The following CNTNAP2 variants were observed in gnomAD, a reference collection of about 807,000 sequenced individuals.
The protein encoded by CNTNAP2 is contactin associated protein 2.
CNTNAP2 carries 98 observed loss-of-function variants against 155.2 expected under a neutral mutation model. That is an observed-to-expected ratio of 0.63 (90% CI 0.54 to 0.75). The LOEUF is 0.75. Among genes scored for constraint, CNTNAP2 ranks in the 30% least tolerant of loss-of-function variants. The pLI, the probability that CNTNAP2 is intolerant of heterozygous loss-of-function variation, is 0.00. For synonymous variants in CNTNAP2, 651 were observed against 631.2 expected, an observed-to-expected ratio of 1.03 and a Z score of -0.47; for missense variants, 1,727 against 1,688.1, an observed-to-expected ratio of 1.02 and a Z score of -0.40.
chr7:147,021,720 T>C (rs532370777), intron 3 of CNTNAP2, among the ~76,000 whole-genome samples: 1 of 152,336 alleles, frequency 6.6e-6, no homozygotes, highest in Non-Finnish European at 1.5e-5. Flanking sequence ...CTTAATCTTA[T>C]TATGTTTTAC....
intron 20 of CNTNAP2, among the ~76,000 whole-genome samples, chr7:148,231,484 G>C (rs1795960149): frequency 6.6e-6 from 1 of 152,182 alleles, no homozygotes; most frequent in Non-Finnish European, 1.5e-5. Context: ...AGAGAATCTA[G>C]GGAGCCTGGA....
chr7:147,684,289 G>A (rs1248157468), intron 13 of CNTNAP2, among the ~76,000 whole-genome samples: 2 of 151,760 alleles, frequency 1.3e-5, no homozygotes, highest in East Asian at 3.9e-4. Context: ...ATTCATTCCA[G>A]CTTCACCTAT....
intron 1 of CNTNAP2, among the ~76,000 whole-genome samples, chr7:146,206,252 AT>A (rs1330147659): frequency 6.6e-6 from 1 of 151,934 alleles, no homozygotes; most frequent in African/African-American, 2.4e-5. Context: ...TTCAGGAGAA[AT>A]TGTAATAATT....
chr7:148,278,362 T>G (rs1796913241), intron 21 of CNTNAP2, among the ~76,000 whole-genome samples: 1 of 151,894 alleles, frequency 6.6e-6, no homozygotes. Context: ...GTCAGGAGAT[T>G]GTGACCATCC....
intron 3 of CNTNAP2, among the ~76,000 whole-genome samples, chr7:146,846,378 G>C (rs1284396413): frequency 6.6e-6 from 1 of 150,882 alleles, no homozygotes; most frequent in Non-Finnish European, 1.5e-5. Flanking sequence ...GATATAAATG[G>C]GGTAAAAATC....
At chr7:147,525,517 T>A (rs551365226) in intron 11 of CNTNAP2, among the ~76,000 whole-genome samples, 1 of 152,276 alleles carries the variant, frequency 6.6e-6, no homozygotes, top group East Asian at 1.9e-4. Flanking sequence ...TTGTGGGAAC[T>A]AAAAATGGTT....
chr7:147,318,859 T>G (rs1156415361), intron 9 of CNTNAP2, among the ~76,000 whole-genome samples: 3 of 152,088 alleles, frequency 2.0e-5, no homozygotes, highest in Admixed American at 6.6e-5. Context: ...ATATTTAAAT[T>G]TTCAAAACAG....
intron 13 of CNTNAP2, among the ~76,000 whole-genome samples, chr7:147,882,217 G>GAC (rs1231488211): frequency 6.6e-6 from 1 of 152,158 alleles, no homozygotes; most frequent in Non-Finnish European, 1.5e-5. Flanking sequence ...CCCCATGTTA[G>GAC]ACAGCAGGAA....
At position 146,417,721 on chromosome 7, in the gene CNTNAP2, A is replaced by C. The variant is rs552169426; in HGVS notation, c.97+300748A>C. Among the ~76,000 whole-genome samples the C allele has an allele frequency of 2.0e-4, 30 of 152,336 alleles. 2 individuals carry two copies. Among genetic ancestry groups the C allele is most frequent in the Admixed American group, 9.2e-4 (14 of 15,294 alleles). ...AAATTCATGATTGGCTAAAATAATA[A>C]GATCTGGAGTTTGAAAGTAGTTTCA... On this transcript the variant is annotated intron_variant, in intron 1 of 23. Transcript: ENST00000361727.
chr7:146,240,097 T>G (rs1415923920), intron 1 of CNTNAP2, among the ~76,000 whole-genome samples: 2 of 152,202 alleles, frequency 1.3e-5, no homozygotes, highest in African/African-American at 4.8e-5. Context: ...AACTTTTGTT[T>G]TATTTCCTTT....
chr7:147,649,276 T>C (rs1272067358), intron 13 of CNTNAP2, among the ~76,000 whole-genome samples: 2 of 152,200 alleles, frequency 1.3e-5, no homozygotes, highest in African/African-American at 2.4e-5. Flanking sequence ...TCTGTAGAGC[T>C]TGAAAATCTG....
chr7:147,360,658 C>A (rs1796133635), intron 9 of CNTNAP2, among the ~76,000 whole-genome samples: 1 of 151,924 alleles, frequency 6.6e-6, no homozygotes, highest in Non-Finnish European at 1.5e-5. Context: ...CTCTCTGTAC[C>A]CTCTGTAGAT....
intron 13 of CNTNAP2, among the ~76,000 whole-genome samples, chr7:147,699,506 G>A (rs974126283): frequency 3.9e-5 from 6 of 152,036 alleles, no homozygotes; most frequent in African/African-American, 9.6e-5. Context: ...TGTAGATGAC[G>A]GGTTGATGGG....
chr7:147,922,599 G>A (rs1800303223), intron 14 of CNTNAP2, among the ~76,000 whole-genome samples: 1 of 152,112 alleles, frequency 6.6e-6, no homozygotes, highest in Non-Finnish European at 1.5e-5. Flanking sequence ...GGTCCATCTT[G>A]CCATTGGTGC....
chr7:147,557,047 G>A (rs953281703), intron 11 of CNTNAP2, among the ~76,000 whole-genome samples: 14 of 150,616 alleles, frequency 9.3e-5, no homozygotes, highest in East Asian at 3.9e-4. Context: ...TGAGGCAGGC[G>A]GGGGTCAGGA....
In CNTNAP2 at chr7:147,851,589, G is replaced by T. The variant is rs1487088633; in HGVS notation, c.2099-51976G>T. On this transcript the variant is annotated intron_variant, in intron 13 of 23. Transcript: ENST00000361727. ...CATATACACCATGGAATACTATGCA[G>T]CCATAAAAAATGTCCTTTGCAGGGC... is the stretch of plus-strand genomic sequence containing the variant. 2.0e-5 allele frequency among the ~76,000 whole-genome samples: 3 copies of T among 152,044 alleles called. No individual in the cohort carries two copies. In the East Asian group the frequency reaches 5.8e-4, roughly 29 times the overall value.
chr7:146,509,445 G>A (rs182640640), intron 1 of CNTNAP2, among the ~76,000 whole-genome samples: 15 of 152,262 alleles, frequency 9.9e-5, no homozygotes, highest in East Asian at 1.9e-4. Context: ...TCCCCCAAGC[G>A]CTGCCAGCAC....
chr7:147,831,327 A>G (rs768364703), intron 13 of CNTNAP2, among the ~76,000 whole-genome samples: 3 of 152,228 alleles, frequency 2.0e-5, no homozygotes, highest in Non-Finnish European at 2.9e-5. Flanking sequence ...GCTACTAACT[A>G]TACCTTGAAA....
chr7:147,698,264 G>C (rs537833697), intron 13 of CNTNAP2, among the ~76,000 whole-genome samples: 2 of 152,226 alleles, frequency 1.3e-5, no homozygotes, highest in South Asian at 4.2e-4. Context: ...CAGAAATCAG[G>C]AGTTTATACT....
Sources: allele counts gnomAD v4.1 joint callset (sites outside exome capture counted in the v4.1 genomes callset), GRCh38; gene constraint gnomAD v4.1.1; transcripts MANE v1.5; gene names NCBI Gene and HGNC (gene_info 2026-07-23, HGNC 2026-07-21).